NREP: variants seen among roughly 807,000 people sequenced by gnomAD.
NREP encodes neuronal regeneration-related protein.
Under a neutral mutation model 8.6 loss-of-function variants are expected in NREP, and 5 were observed. The observed-to-expected ratio is 0.58, with a 90% confidence interval of 0.30 to 1.22. The LOEUF (loss-of-function observed/expected upper bound fraction) is 1.22, where lower values mean the gene tolerates loss of function less well. NREP is among the 50% of genes most tolerant of loss of function. The pLI, the probability that NREP is intolerant of heterozygous loss-of-function variation, is 0.07. For missense variants in NREP, 86 were observed against 82.5 expected, an observed-to-expected ratio of 1.04 and a Z score of -0.17; for synonymous variants, 27 against 28.0, an observed-to-expected ratio of 0.96 and a Z score of 0.11.
intron 2 of NREP, among the ~76,000 whole-genome samples, chr5:111,959,275 A>G (rs568325632): frequency 5.9e-5 from 9 of 152,012 alleles, no homozygotes; most frequent in Non-Finnish European, 1.2e-4. Context: ...AAATTAGTCT[A>G]TGGTGATTGA....
intron 2 of NREP, among the ~76,000 whole-genome samples, chr5:111,884,836 G>C (rs1048052911): frequency 2.6e-5 from 4 of 151,826 alleles, no homozygotes; most frequent in African/African-American, 4.8e-5. Flanking sequence ...AAAATAATAA[G>C]AGCTATCTAT....
chr5:111,969,248 C>G (rs1561375324), intron 2 of NREP, among the ~76,000 whole-genome samples: 1 of 152,082 alleles, frequency 6.6e-6, no homozygotes, highest in Non-Finnish European at 1.5e-5. Context: ...GATGCTGAGA[C>G]AGAAAGCAAA....
At chr5:111,882,906 A>G (rs1754124979) in intron 2 of NREP, among the ~76,000 whole-genome samples, 1 of 152,266 alleles carries the variant, frequency 6.6e-6, no homozygotes, top group East Asian at 1.9e-4. Context: ...GGCTAGGAAG[A>G]AACTGCATCA....
intron 2 of NREP, among the ~76,000 whole-genome samples, chr5:111,744,139 T>C (rs558213331): frequency 1.3e-5 from 2 of 152,216 alleles, no homozygotes; most frequent in African/African-American, 2.4e-5. Context: ...AGTCTGCATT[T>C]TCCCCCGAAG....
chr5:111,731,719 T>G (rs550184286), intron 3 of NREP: 1 of 152,326 alleles, frequency 6.6e-6, no homozygotes, highest in East Asian at 1.9e-4. Context: ...CTAGACTGAC[T>G]GGGGCTATTC....
chr5:111,848,330 AAC>A (rs1449539209), intron 2 of NREP, among the ~76,000 whole-genome samples: 1 of 152,194 alleles, frequency 6.6e-6, no homozygotes, highest in African/African-American at 2.4e-5. Flanking sequence ...TAAAAAGAAA[AAC>A]ACAGACTAAT....
chr5:111,733,416 T>C (rs1748793605), intron 3 of NREP: 1 of 152,118 alleles, frequency 6.6e-6, no homozygotes, highest in East Asian at 1.9e-4. Context: ...GACAGAGTTC[T>C]GTGCGTTCTC....
intron 2 of NREP, among the ~76,000 whole-genome samples, chr5:111,828,888 G>A (rs1313442642): frequency 6.6e-6 from 1 of 152,108 alleles, no homozygotes; most frequent in East Asian, 1.9e-4. Context: ...GTCACAGCCT[G>A]GTGGACAGCA....
intron 3 of NREP, chr5:111,732,992 C>CTTCTA (rs1196366761): frequency 6.6e-6 from 1 of 152,174 alleles, no homozygotes; most frequent in Admixed American, 6.5e-5. Flanking sequence ...CAGTACTAAT[C>CTTCTA]TTCTACCTCC....
chr5:111,755,797 C>G lies in NREP; in HGVS notation c.-25G>C. 3 of 1,613,878 alleles carry G rather than the reference C, an allele frequency of 1.9e-6. No homozygotes were observed. The highest frequency in any genetic ancestry group is 2.5e-6 in the Non-Finnish European group (3 of 1,179,796). ...TTTTGAGAATCTTAGTCTTGGGCTTCTATTCTCCCTCTCTTCAGTCCAGGG... is the reference window on the plus strand; with the variant it reads ...TTTTGAGAATCTTAGTCTTGGGCTTGTATTCTCCCTCTCTTCAGTCCAGGG... On this transcript the variant is annotated 5_prime_UTR_variant, in exon 2 of 4. Transcript: ENST00000257435.
At chr5:111,749,449 T>C (rs1750216143) in intron 2 of NREP, among the ~76,000 whole-genome samples, 1 of 152,130 alleles carries the variant, frequency 6.6e-6, no homozygotes, top group Non-Finnish European at 1.5e-5. Context: ...AAATCCCTCT[T>C]GGACTTGGCT....
Position 111,757,144 on chromosome 5 carries a change from G to A in NREP, c.-67C>T, listed in dbSNP as rs1349862347. 31 of 970,796 alleles carry A rather than the reference G, an allele frequency of 3.2e-5. No homozygotes were observed. Among genetic ancestry groups the A allele is most frequent in the Non-Finnish European group, 3.8e-5 (31 of 819,336 alleles). The allele number at this position is 970,796 out of a possible 1,614,324, so 60.1% of individuals were successfully genotyped here. A position where few individuals can be genotyped will look rare whatever the true frequency, so the allele number is the denominator to read the frequency against. On this transcript the variant is annotated 5_prime_UTR_variant, in exon 1 of 4. Coordinates refer to ENST00000257435, the MANE Select transcript of NREP (RefSeq NM_004772.4). The stretch of plus-strand genomic sequence containing the variant: ...GAATGGCATATACTTACAGACAAAA[G>A]CCCCGCTCCCTGTTCACTCTCTCTC...
At chr5:111,904,003 A>C (rs1754715483) in intron 2 of NREP, among the ~76,000 whole-genome samples, 1 of 152,172 alleles carries the variant, frequency 6.6e-6, no homozygotes, top group African/African-American at 2.4e-5. Context: ...TTATTTTTAC[A>C]TAGAACATTA....
At chr5:111,754,214 T>C (rs531363718) in intron 2 of NREP, among the ~76,000 whole-genome samples, 89 of 152,352 alleles carry the variant, frequency 5.8e-4, no homozygotes, top group Non-Finnish European at 1.1e-3. Flanking sequence ...TTTGCTTTTC[T>C]GCATTCAAAT....
chr5:111,734,594 T>C (rs1748929705), intron 3 of NREP: 1 of 476,708 alleles, frequency 2.1e-6, no homozygotes, highest in African/African-American at 2.0e-5. Flanking sequence ...AGATAGGGAA[T>C]TGTTGATACT....
At chr5:111,758,166 C>G (rs959781075), upstream of NREP, 2 of 985,568 alleles carry the variant, frequency 2.0e-6, no homozygotes, top group Non-Finnish European at 2.4e-6. Flanking sequence ...CGGGGAAGCC[C>G]GGGGCGGGGA....
intron 2 of NREP, among the ~76,000 whole-genome samples, chr5:111,844,378 A>G (rs1015240834): frequency 3.9e-5 from 6 of 151,914 alleles, no homozygotes; most frequent in Admixed American, 3.9e-4. Flanking sequence ...TTTTAGTTCC[A>G]ATTTCCTCTT....
chr5:111,911,103 CCA>C (rs2112562773), intron 2 of NREP, among the ~76,000 whole-genome samples: 1 of 152,084 alleles, frequency 6.6e-6, no homozygotes, highest in South Asian at 2.1e-4. Context: ...ACTCCTGCAC[CCA>C]GTGTTTTGGA....
At chr5:111,852,410 T>G (rs1235410279) in intron 2 of NREP, among the ~76,000 whole-genome samples, 1 of 152,172 alleles carries the variant, frequency 6.6e-6, no homozygotes, top group Non-Finnish European at 1.5e-5. Flanking sequence ...GGGCGCAGTC[T>G]CAAATACTGG....
Sources: gnomAD v4.1 joint callset for allele counts (sites outside exome capture counted in the v4.1 genomes callset) on GRCh38, gnomAD v4.1.1 for gene constraint, MANE v1.5 for transcripts, NCBI Gene and HGNC (gene_info 2026-07-23, HGNC 2026-07-21) for gene names.